The following DPP10 variants were observed in gnomAD, a reference collection of about 807,000 sequenced individuals.
DPP10 encodes inactive dipeptidyl peptidase 10.
Under a neutral mutation model 120.9 loss-of-function variants are expected in DPP10, and 33 were observed. The observed-to-expected ratio is 0.27, with a 90% CI of 0.21 to 0.37. The LOEUF (loss-of-function observed/expected upper bound fraction) is 0.37. Among genes scored for constraint, DPP10 ranks in the 10% least tolerant of loss-of-function variants. The pLI is 1.00. For synonymous variants in DPP10, 337 were observed against 326.1 expected (o/e 1.03, Z -0.36); for missense variants, 816 against 942.8 (o/e 0.87, Z 1.76).
At chr2:115,036,761 A>G (rs915213770) in intron 1 of DPP10, among the ~76,000 whole-genome samples, 2 of 152,192 alleles carry the variant, frequency 1.3e-5, no homozygotes, top group Non-Finnish European at 2.9e-5. Flanking sequence ...TGGATATTCC[A>G]ATTAAATATT....
chr2:115,504,428 A>T (rs1393580983), intron 4 of DPP10, among the ~76,000 whole-genome samples: 1 of 151,904 alleles, frequency 6.6e-6, no homozygotes, highest in African/African-American at 2.4e-5. Context: ...TTGCTTGGGC[A>T]TGTCCTTCCC....
Position 115,384,920 on chromosome 2 carries a change from G to A in DPP10, c.271+41008G>A, listed in dbSNP as rs1031941919. Among the ~76,000 whole-genome samples the A allele has an allele frequency of 3.3e-5, 5 of 152,226 alleles. No individual in the cohort carries two copies. In the East Asian group the frequency reaches 9.7e-4, roughly 29 times the overall value. ...AGTGGGAGATAATTTGAATCCTGGT[G>A]GTGGTTTCCCCCATACTATTCTTGT... On this transcript the variant is annotated intron_variant, in intron 3 of 25. Transcript: ENST00000410059.
chr2:115,683,681 TAAAATA>T (rs920207864), intron 5 of DPP10, among the ~76,000 whole-genome samples: 4 of 151,836 alleles, frequency 2.6e-5, no homozygotes, highest in Admixed American at 2.0e-4. Flanking sequence ...TTTTAAAACA[TAAAATA>T]AAAATAAAAA....
chr2:115,226,368 A>G (rs191367096), intron 1 of DPP10, among the ~76,000 whole-genome samples: 2 of 152,292 alleles, frequency 1.3e-5, no homozygotes, highest in Non-Finnish European at 2.9e-5. Flanking sequence ...TATTTCTACA[A>G]AGATGCTTTG....
intron 1 of DPP10, among the ~76,000 whole-genome samples, chr2:114,640,464 T>C (rs973178834): frequency 2.6e-5 from 4 of 151,870 alleles, no homozygotes; most frequent in Non-Finnish European, 4.4e-5. Flanking sequence ...TCAGCAGCCA[T>C]AGTGTATGAA....
At chr2:115,471,582 TTCTC>T (rs1040868728) in intron 3 of DPP10, among the ~76,000 whole-genome samples, 1 of 88,108 alleles carries the variant, frequency 1.1e-5, no homozygotes, top group African/African-American at 3.8e-5. Flanking sequence ...TCTTTTCTTT[TTCTC>T]TCTTTTATTT....
At chr2:114,841,617 C>T (rs1270729762) in intron 1 of DPP10, among the ~76,000 whole-genome samples, 1 of 152,066 alleles carries the variant, frequency 6.6e-6, no homozygotes, top group African/African-American at 2.4e-5. Context: ...GAAGTACTAG[C>T]TGGGGTTGAG....
chr2:114,781,715 A>G, intron 1 of DPP10, among the ~76,000 whole-genome samples: 1 of 152,032 alleles, frequency 6.6e-6, no homozygotes, highest in East Asian at 1.9e-4. Flanking sequence ...CATCTTGAGA[A>G]AGACAATGAT....
chr2:115,316,560 AG>A (rs1438826834), intron 2 of DPP10, among the ~76,000 whole-genome samples: 3 of 152,126 alleles, frequency 2.0e-5, no homozygotes, highest in Non-Finnish European at 4.4e-5. Context: ...GAAAATCGTA[AG>A]TGTAAATTCT....
chr2:115,010,144 T>A (rs150828083), intron 1 of DPP10, among the ~76,000 whole-genome samples: 1 of 152,314 alleles, frequency 6.6e-6, no homozygotes, highest in Non-Finnish European at 1.5e-5. Flanking sequence ...AATCCAGACA[T>A]CTATGCATCA....
intron 1 of DPP10, among the ~76,000 whole-genome samples, chr2:114,464,836 C>T (rs1045656877): frequency 7.2e-5 from 11 of 152,028 alleles, no homozygotes; most frequent in Admixed American, 5.9e-4. Context: ...CTGCACTCCA[C>T]CCTGGATGAC....
intron 1 of DPP10, among the ~76,000 whole-genome samples, chr2:114,627,378 C>A (rs1214922338): frequency 6.6e-6 from 1 of 152,088 alleles, no homozygotes; most frequent in Non-Finnish European, 1.5e-5. Flanking sequence ...TTATCTTTCT[C>A]TTCTTTTGTA....
At chr2:115,047,686 A>C (rs1705168148) in intron 1 of DPP10, among the ~76,000 whole-genome samples, 2 of 152,166 alleles carry the variant, frequency 1.3e-5, no homozygotes, top group South Asian at 4.1e-4. Flanking sequence ...CTCTCAAGAC[A>C]AGAATTTAAT....
At chr2:114,605,101 A>G (rs1692682011) in intron 1 of DPP10, among the ~76,000 whole-genome samples, 1 of 152,150 alleles carries the variant, frequency 6.6e-6, no homozygotes, top group Admixed American at 6.6e-5. Context: ...GACTTTCTGT[A>G]GTAGTAGCAA....
chr2:114,625,792 T>G (rs1210888530), intron 1 of DPP10, among the ~76,000 whole-genome samples: 1 of 151,920 alleles, frequency 6.6e-6, no homozygotes, highest in Admixed American at 6.6e-5. Flanking sequence ...GGAAGTTTCT[T>G]GTCAACATAT....
intron 1 of DPP10, among the ~76,000 whole-genome samples, chr2:114,656,963 G>A (rs570445199): frequency 1.3e-5 from 2 of 152,188 alleles, no homozygotes; most frequent in South Asian, 2.1e-4. Flanking sequence ...TATAAGCACC[G>A]TTTTGATCTC....
chr2:115,007,883 C>T (rs907432114), intron 1 of DPP10, among the ~76,000 whole-genome samples: 10 of 151,642 alleles, frequency 6.6e-5, no homozygotes, highest in African/African-American at 2.4e-4. Context: ...AGGTGAAGGA[C>T]CTCTTCAAGG....
chr2:114,737,428 C>A (rs1677557419), intron 1 of DPP10, among the ~76,000 whole-genome samples: 1 of 152,192 alleles, frequency 6.6e-6, no homozygotes, highest in Admixed American at 6.5e-5. Context: ...GCTAACATTT[C>A]TGCAGGAGAG....
chr2:115,280,958 A>G (rs1574279535), intron 1 of DPP10, among the ~76,000 whole-genome samples: 3 of 152,294 alleles, frequency 2.0e-5, no homozygotes, highest in South Asian at 4.1e-4. Flanking sequence ...TTAAAAAGTG[A>G]AAAGGTTAAT....
Sources: gnomAD v4.1 joint callset for allele counts (sites outside exome capture counted in the v4.1 genomes callset) on GRCh38, gnomAD v4.1.1 for gene constraint, MANE v1.5 for transcripts, NCBI Gene and HGNC (gene_info 2026-07-23, HGNC 2026-07-21) for gene names.